The following POLE2 variants were observed in gnomAD, a reference collection of about 807,000 sequenced individuals.
POLE2 encodes the protein DNA polymerase epsilon 2, accessory subunit, also known as DNA polymerase epsilon subunit 2.
Under a neutral mutation model 79.4 loss-of-function variants are expected in POLE2, and 56 were observed. That is an observed-to-expected ratio of 0.71 (90% CI 0.57 to 0.88). POLE2 has a LOEUF of 0.88. Ranked by LOEUF, POLE2 falls within the 40% of genes least tolerant of loss-of-function variation. POLE2 has a pLI of 0.00. For synonymous variants in POLE2, 212 were observed against 214.0 expected (o/e 0.99, Z 0.08); for missense variants, 598 against 638.9 (o/e 0.94, Z 0.69).
At chr14:49,649,594 C>T (rs530122799) in intron 17 of POLE2, among the ~76,000 whole-genome samples, 8 of 152,042 alleles carry the variant, frequency 5.3e-5, no homozygotes, top group East Asian at 1.9e-4. Flanking sequence ...GGATTACAGG[C>T]GCGCACCACC....
Position 49,647,279 on chromosome 14 carries a change from G to C in POLE2, c.1565+14C>G. 1 of 1,326,674 alleles carries C rather than the reference G, an allele frequency of 7.5e-7. No homozygotes were observed. Among genetic ancestry groups the C allele is most frequent in the Non-Finnish European group, 1.1e-6 (1 of 945,276 alleles). The allele number at this position is 1,326,674 out of a possible 1,614,324, so 82.2% of individuals were successfully genotyped here. ...GAGAAAGATCTTTCTTGCTGTGTCT[G>C]TGCACACACTTACCTATCTTCTACT... On this transcript the variant is annotated intron_variant, in intron 18 of 18. Transcript: ENST00000216367.
intron 7 of POLE2, among the ~76,000 whole-genome samples, chr14:49,665,998 G>GT (rs950762998): frequency 2.6e-5 from 4 of 152,008 alleles, no homozygotes; most frequent in Non-Finnish European, 5.9e-5. Context: ...GGCTAATTTT[G>GT]TATTTTTAGT....
intron 3 of POLE2, chr14:49,677,563 A>G (rs990966040): frequency 4.2e-6 from 2 of 480,374 alleles, no homozygotes; most frequent in African/African-American, 4.0e-5. Flanking sequence ...GCAGTGCACC[A>G]TCTCCTACTG....
intron 5 of POLE2, among the ~76,000 whole-genome samples, chr14:49,671,602 G>A (rs1423847196): frequency 7.7e-6 from 1 of 129,120 alleles, no homozygotes; most frequent in African/African-American, 3.0e-5. Flanking sequence ...GGGCAACAGA[G>A]TAAGACTCTG....
intron 5 of POLE2, among the ~76,000 whole-genome samples, chr14:49,672,420 T>A (rs908191078): frequency 2.6e-5 from 4 of 151,928 alleles, no homozygotes; most frequent in Non-Finnish European, 5.9e-5. Flanking sequence ...CCGCTGACCA[T>A]CTGCTCCTCC....
At chr14:49,651,456 C>A (rs1884226078) in intron 15 of POLE2, 79 bp from the exon 16 acceptor site, 1 of 605,290 alleles carries the variant, frequency 1.7e-6, no homozygotes, top group South Asian at 2.3e-5. Flanking sequence ...TCTTACAATA[C>A]AACCCCATTC....
intron 3 of POLE2, chr14:49,677,666 G>A: frequency 2.3e-6 from 2 of 867,290 alleles, no homozygotes; most frequent in Non-Finnish European, 3.6e-6. Context: ...CACAATGTTT[G>A]GGGAAGGCCC....
At chr14:49,674,062 AAC>A (rs1232032202) in intron 5 of POLE2, 59 bp downstream of exon 5, 3 of 985,442 alleles carry the variant, frequency 3.0e-6, no homozygotes, top group Non-Finnish European at 4.9e-6. Context: ...CCTAAACTGA[AAC>A]AGTCTCCTTT....
At chr14:49,650,197 T>C (rs1210159835) in intron 17 of POLE2, 68 bp downstream of exon 17, 2 of 765,530 alleles carry the variant, frequency 2.6e-6, no homozygotes, top group Non-Finnish European at 1.9e-6. Flanking sequence ...TAAATATATA[T>C]TTTTAAATTA....
chr14:49,679,785 A>G lies in POLE2; in HGVS notation c.185T>C (p.Ile62Thr), dbSNP rs1424183945. ...VEKQPLSSNM[I>T]ERSVVEAAVQ... Reference sequence around the variant, plus strand: ...TGCTGCTTCCACCACAGATCGTTCAATCATGTTTGATGACACTGAAAAGAG... The same window carrying G: ...TGCTGCTTCCACCACAGATCGTTCAGTCATGTTTGATGACACTGAAAAGAG... Residue 62 changes from isoleucine (I) to threonine (T), a missense_variant, in exon 3 of 19, where the codon ATT becomes ACT. By Grantham distance (89) the Ile-to-Thr change is moderately conservative (BLOSUM62 -1). Transcript: ENST00000216367. The G allele has an allele frequency of 1.3e-6, 2 of 1,596,316 alleles. No individual in the cohort carries two copies. Among genetic ancestry groups the G allele is most frequent in the Admixed American group, 1.7e-5 (1 of 59,666 alleles).
At chr14:49,647,117 A>G (rs1489677007) in intron 18 of POLE2, 176 bp downstream of exon 18, 2 of 460,526 alleles carry the variant, frequency 4.3e-6, no homozygotes, top group South Asian at 8.6e-5. Flanking sequence ...ACGTACCATC[A>G]TGTACCCACA....
chr14:49,680,704 C>A (rs1056222651), intron 2 of POLE2, among the ~76,000 whole-genome samples: 4 of 151,304 alleles, frequency 2.6e-5, no homozygotes, highest in Non-Finnish European at 4.4e-5. Context: ...TGTTGTCAAG[C>A]AAAATACCAT....
chr14:49,687,778 C>G (rs1278700114), intron 1 of POLE2, among the ~76,000 whole-genome samples: 1 of 151,998 alleles, frequency 6.6e-6, no homozygotes, highest in Non-Finnish European at 1.5e-5. Flanking sequence ...CGGCTCACCG[C>G]AACCTCCTCC....
intron 8 of POLE2, 27 bp downstream of exon 8, chr14:49,665,080 T>TA: frequency 9.2e-7 from 1 of 1,090,984 alleles, no homozygotes; most frequent in Non-Finnish European, 1.4e-6. Flanking sequence ...ATGCAGATTT[T>TA]AAAAAATACA....
intron 5 of POLE2, among the ~76,000 whole-genome samples, chr14:49,671,611 T>A (rs947770716): frequency 8.4e-6 from 1 of 118,448 alleles, no homozygotes; most frequent in East Asian, 2.2e-4. Context: ...AGTAAGACTC[T>A]GCCTCAGAAA....
intron 18 of POLE2, among the ~76,000 whole-genome samples, chr14:49,645,247 A>T (rs977778410): frequency 6.9e-6 from 1 of 145,308 alleles, no homozygotes; most frequent in Non-Finnish European, 1.5e-5. Flanking sequence ...GAGAATGTGT[A>T]TTTCCTCCAA....
intron 3 of POLE2, chr14:49,677,379 A>C: frequency 2.0e-6 from 1 of 494,656 alleles, no homozygotes; most frequent in Non-Finnish European, 3.7e-6. Context: ...GGGTATCTAC[A>C]GCGGCTTGAG....
At chr14:49,664,819 A>T in intron 8 of POLE2, 145 bp from the exon 9 acceptor site, 1 of 625,842 alleles carries the variant, frequency 1.6e-6, no homozygotes, top group Non-Finnish European at 2.8e-6. Context: ...GAAAGAGCTT[A>T]AAAAATTTTA....
At chr14:49,664,461 A>G (rs1885331097) in intron 9 of POLE2, among the ~76,000 whole-genome samples, 165 bp downstream of exon 9, 1 of 152,226 alleles carries the variant, frequency 6.6e-6, no homozygotes, top group Non-Finnish European at 1.5e-5. Flanking sequence ...CATCACCCCA[A>G]AAAGATTTCT....
Sources: gnomAD v4.1 joint callset for allele counts (sites outside exome capture counted in the v4.1 genomes callset) on GRCh38, gnomAD v4.1.1 for gene constraint, MANE v1.5 for transcripts, NCBI Gene and HGNC (gene_info 2026-07-23, HGNC 2026-07-21) for gene names.